Variants in CDC42SE2 observed in about 807,000 individuals in gnomAD.
The protein encoded by CDC42SE2 is CDC42 small effector 2.
A neutral mutation model predicts 11.5 loss-of-function variants in CDC42SE2; 3 were observed. The observed-to-expected ratio is 0.26, with a 90% CI of 0.12 to 0.67. The LOEUF (loss-of-function observed/expected upper bound fraction) is 0.67. Ranked by LOEUF, CDC42SE2 falls within the 30% of genes least tolerant of loss-of-function variation. The pLI, the probability that CDC42SE2 is intolerant of heterozygous loss-of-function variation, is 0.80. For synonymous variants in CDC42SE2, 33 were observed against 34.8 expected, an observed-to-expected ratio of 0.95 and a Z score of 0.18; for missense variants, 82 against 106.8, an observed-to-expected ratio of 0.77 and a Z score of 1.02.
intron 2 of CDC42SE2, among the ~76,000 whole-genome samples, chr5:131,358,855 A>T (rs1193918113): frequency 6.6e-6 from 1 of 152,228 alleles, no homozygotes; most frequent in Non-Finnish European, 1.5e-5. Flanking sequence ...GAAGAAACCT[A>T]TATGAAAATG....
upstream of CDC42SE2, among the ~76,000 whole-genome samples, chr5:131,244,833 A>G (rs1756567884): frequency 6.6e-6 from 1 of 152,184 alleles, no homozygotes; most frequent in Admixed American, 6.5e-5. Context: ...AGGGGGGTGG[A>G]TTCACTGCAA....
chr5:131,216,759 G>A, the CDC42SE2 span, among the ~76,000 whole-genome samples: 1 of 152,172 alleles, frequency 6.6e-6, no homozygotes, highest in Non-Finnish European at 1.5e-5. Flanking sequence ...AATGACCTGG[G>A]TGTGGGGGAT....
At chr5:131,229,962 G>A in the CDC42SE2 span, among the ~76,000 whole-genome samples, 14 of 152,070 alleles carry the variant, frequency 9.2e-5, no homozygotes, top group South Asian at 2.1e-4. Context: ...ACTGTAACAG[G>A]TATCTATCTA....
intron 2 of CDC42SE2, among the ~76,000 whole-genome samples, chr5:131,353,707 A>G (rs868298768): frequency 5.9e-5 from 9 of 152,100 alleles, no homozygotes; most frequent in South Asian, 2.1e-4. Context: ...GGCGTTTGAG[A>G]CCAGCCTAGC....
chr5:131,299,212 G>A (rs1197462598), intron 1 of CDC42SE2, among the ~76,000 whole-genome samples: 4 of 152,138 alleles, frequency 2.6e-5, no homozygotes, highest in African/African-American at 9.7e-5. Context: ...GTCATTAAAG[G>A]GGGTTTTACG....
At chr5:131,374,149 C>G (rs1052062975) in intron 3 of CDC42SE2, among the ~76,000 whole-genome samples, 6 of 152,066 alleles carry the variant, frequency 3.9e-5, no homozygotes, top group Non-Finnish European at 8.8e-5. Context: ...ACAGTAGTCT[C>G]TTGGTTGAAT....
At chr5:131,350,607 TTGTGTGTGTG>T (rs753402237) in intron 2 of CDC42SE2, among the ~76,000 whole-genome samples, 18 of 141,692 alleles carry the variant, frequency 1.3e-4, no homozygotes, top group Non-Finnish European at 1.8e-4. Context: ...AAAATTTATT[TTGTGTGTGTG>T]TGTGTGTGTG....
chr5:131,223,830 G>A, the CDC42SE2 span, among the ~76,000 whole-genome samples: 2 of 152,054 alleles, frequency 1.3e-5, no homozygotes, highest in Non-Finnish European at 2.9e-5. Flanking sequence ...TTACCACTCT[G>A]TCTTGAACTG....
chr5:131,273,767 C>CAA (rs768842175), intron 1 of CDC42SE2, among the ~76,000 whole-genome samples: 13 of 100,420 alleles, frequency 1.3e-4, no homozygotes, highest in African/African-American at 2.8e-4. Context: ...GACTCCGTCT[C>CAA]AAAAAAAAAA....
the CDC42SE2 span, among the ~76,000 whole-genome samples, chr5:131,225,991 A>T: frequency 6.6e-6 from 1 of 152,206 alleles, no homozygotes; most frequent in Non-Finnish European, 1.5e-5. Context: ...TCTTGATTTG[A>T]TGTGTTAGCT....
At chr5:131,352,681 A>G (rs1749379417) in intron 2 of CDC42SE2, among the ~76,000 whole-genome samples, 1 of 152,188 alleles carries the variant, frequency 6.6e-6, no homozygotes, top group Admixed American at 6.5e-5. Flanking sequence ...AATTTTTTTC[A>G]AAACGGTGTT....
Position 131,294,168 on chromosome 5 carries a change from A to G in CDC42SE2, c.-454-21808A>G, listed in dbSNP as rs557908225. On this transcript the variant is annotated intron_variant, in intron 1 of 4. Transcript: ENST00000505065. ...ACAATATTGAGAAAGACCAGAAAAC[A>G]TTATCTTTAAGCGGATAGGCTGAAT... Among the ~76,000 whole-genome samples the G allele has an allele frequency of 5.3e-5, 8 of 152,302 alleles. No individual in the cohort carries two copies. The East Asian group carries it at 1.3e-3, about 26-fold the overall frequency.
At chr5:131,321,191 G>A (rs2149733805) in intron 2 of CDC42SE2, among the ~76,000 whole-genome samples, 1 of 152,236 alleles carries the variant, frequency 6.6e-6, no homozygotes, top group African/African-American at 2.4e-5. Context: ...GTTAAATTCT[G>A]TAGCTTTTGG....
intron 1 of CDC42SE2, among the ~76,000 whole-genome samples, chr5:131,296,924 TGTG>T (rs1454752240): frequency 6.6e-6 from 1 of 152,060 alleles, no homozygotes; most frequent in Non-Finnish European, 1.5e-5. Context: ...AAGATTTCCT[TGTG>T]GGGAGAAAAG....
chr5:131,293,943 T>C (rs1757516299), intron 1 of CDC42SE2, among the ~76,000 whole-genome samples: 2 of 152,140 alleles, frequency 1.3e-5, no homozygotes, highest in East Asian at 3.9e-4. Context: ...ACAAATTCGA[T>C]ATGTATTGGC....
chr5:131,361,107 T>TTTTA (rs1361202576), intron 3 of CDC42SE2, among the ~76,000 whole-genome samples: 1 of 142,072 alleles, frequency 7.0e-6, no homozygotes, highest in South Asian at 2.2e-4. Context: ...ATTTATTTTA[T>TTTTA]TTTATTTATT....
At chr5:131,317,876 T>TC (rs1049355264) in intron 2 of CDC42SE2, among the ~76,000 whole-genome samples, 1 of 151,962 alleles carries the variant, frequency 6.6e-6, no homozygotes, top group African/African-American at 2.4e-5. Flanking sequence ...TTTTTTTTTT[T>TC]CTTGATCGAT....
intron 2 of CDC42SE2, among the ~76,000 whole-genome samples, chr5:131,329,897 AAAAAAAAAAAAAAAAAAAAAAAAAAG>A (rs1758382596): frequency 4.2e-5 from 2 of 48,044 alleles, no homozygotes; most frequent in Non-Finnish European, 6.0e-5. Flanking sequence ...AAAAAAAAAA[AAAAAAAAAAAAAAAAAAAAAAAAAAG>A]AAGAAGCGCT....
intron 1 of CDC42SE2, among the ~76,000 whole-genome samples, chr5:131,286,511 T>C (rs1421071693): frequency 3.3e-5 from 5 of 151,658 alleles, no homozygotes; most frequent in Non-Finnish European, 7.4e-5. Context: ...GAAGCCTCTG[T>C]TTACTAGGTA....
Sources: gnomAD v4.1 joint callset for allele counts (sites outside exome capture counted in the v4.1 genomes callset) on GRCh38, gnomAD v4.1.1 for gene constraint, MANE v1.5 for transcripts, NCBI Gene and HGNC (gene_info 2026-07-23, HGNC 2026-07-21) for gene names.